PHLPP1: variants seen among roughly 807,000 people sequenced by gnomAD.
PHLPP1 encodes the protein PH domain and leucine rich repeat protein phosphatase 1.
Under a neutral mutation model 117.2 loss-of-function variants are expected in PHLPP1, and 42 were observed. The observed-to-expected ratio is 0.36, with a 90% CI of 0.28 to 0.46. The LOEUF is 0.46. PHLPP1 is among the 20% of genes least tolerant of loss of function. The pLI, the probability that PHLPP1 is intolerant of heterozygous loss-of-function variation, is 1.00. For synonymous variants in PHLPP1, 1,042 were observed against 970.7 expected (o/e 1.07, Z -1.37); for missense variants, 2,084 against 2,241.9 (o/e 0.93, Z 1.42).
intron 1 of PHLPP1, among the ~76,000 whole-genome samples, chr18:62,817,015 C>T (rs371164341): frequency 2.6e-5 from 4 of 152,292 alleles, no homozygotes; most frequent in African/African-American, 9.6e-5. Context: ...GACTTTGACT[C>T]ACTTCAGCCT....
intron 4 of PHLPP1, among the ~76,000 whole-genome samples, chr18:62,882,452 T>C (rs1916193328): frequency 6.6e-6 from 1 of 152,008 alleles, no homozygotes; most frequent in South Asian, 2.1e-4. Flanking sequence ...TTTGTATTTT[T>C]AGTAGAGACG....
intron 4 of PHLPP1, among the ~76,000 whole-genome samples, chr18:62,886,869 T>C (rs539782524): frequency 8.5e-5 from 13 of 152,340 alleles, no homozygotes; most frequent in Admixed American, 3.9e-4. Context: ...TTCCTTTCTG[T>C]AGTGTGAACT....
chr18:62,933,304 C>T (rs749292379), intron 10 of PHLPP1, among the ~76,000 whole-genome samples: 13 of 152,070 alleles, frequency 8.5e-5, no homozygotes, highest in Non-Finnish European at 1.5e-4. Flanking sequence ...ATAGCCAAAA[C>T]AATCCTAAGC....
At chr18:62,819,926 G>A (rs1323509365) in intron 1 of PHLPP1, among the ~76,000 whole-genome samples, 1 of 152,196 alleles carries the variant, frequency 6.6e-6, no homozygotes. Context: ...GGGATTACAG[G>A]TGTGAACCTC....
chr18:62,859,681 T>A (rs111960615), intron 3 of PHLPP1, among the ~76,000 whole-genome samples: 4 of 152,314 alleles, frequency 2.6e-5, no homozygotes, highest in African/African-American at 4.8e-5. Context: ...TCAGTTTAGA[T>A]CTTAGTATCT....
intron 1 of PHLPP1, among the ~76,000 whole-genome samples, chr18:62,778,601 T>C (rs1913030904): frequency 6.6e-6 from 1 of 152,230 alleles, no homozygotes; most frequent in African/African-American, 2.4e-5. Context: ...ACATAGCTAT[T>C]TAAGTGTAAG....
intron 1 of PHLPP1, among the ~76,000 whole-genome samples, chr18:62,738,683 C>CA: frequency 6.6e-6 from 1 of 152,042 alleles, no homozygotes; most frequent in Admixed American, 6.6e-5. Flanking sequence ...AAATTAGGTA[C>CA]AGTAAGAGAT....
At chr18:62,846,982 G>A (rs889351897) in intron 3 of PHLPP1, among the ~76,000 whole-genome samples, 3 of 152,002 alleles carry the variant, frequency 2.0e-5, no homozygotes, top group Non-Finnish European at 4.4e-5. Flanking sequence ...TGAAGAAGAG[G>A]TTTTCACTTC....
rs1568127680 is a variant in PHLPP1, at chr18:62,821,548, C to CAAAAAAAAAAAAA, written c.1577-8487_1577-8486insAAAAAAAAAAAAA. 1.4e-3 allele frequency among the ~76,000 whole-genome samples: 41 copies of CAAAAAAAAAAAAA among 29,200 alleles called. 2 individuals are homozygous for CAAAAAAAAAAAAA. Among genetic ancestry groups the CAAAAAAAAAAAAA allele is most frequent in the East Asian group, 3.2e-3 (3 of 950 alleles). 19.2% of individuals were successfully genotyped at this position (29,200 alleles called of 152,430 possible). A position where few individuals can be genotyped will look rare whatever the true frequency, so the allele number is the denominator to read the frequency against. ...TGGGTGACAGAGTGAGACCCTTTAT[C>CAAAAAAAAAAAAA]CAAAAAAAAAAAAAAAAAAAAAAGA... On this transcript the variant is annotated intron_variant, in intron 1 of 16. Transcript: ENST00000262719.
chr18:62,772,830 C>CAAAAAAAAAAAA (rs59776161), intron 1 of PHLPP1, among the ~76,000 whole-genome samples: 1,862 of 60,652 alleles, frequency 0.031, 159 homozygotes, highest in African/African-American at 0.089. Context: ...GACTCTTTCT[C>CAAAAAAAAAAAA]AAAAAAAAAA....
intron 14 of PHLPP1, among the ~76,000 whole-genome samples, chr18:62,969,083 G>A (rs1224197043): frequency 6.6e-6 from 1 of 151,204 alleles, no homozygotes; most frequent in Non-Finnish European, 1.5e-5. Context: ...TTGTTTGTTT[G>A]TTTTTAAGAG....
At position 62,716,617 on chromosome 18, in the gene PHLPP1, T is replaced by G; in HGVS notation, c.934T>G (p.Trp312Gly). The G allele has an allele frequency of 7.7e-7, 1 of 1,303,392 alleles. No individual in the cohort carries two copies. Among genetic ancestry groups the G allele is most frequent in the Non-Finnish European group, 9.7e-7 (1 of 1,028,700 alleles). 80.7% of individuals were successfully genotyped at this position (1,303,392 alleles called of 1,614,324 possible). A position where few individuals can be genotyped will look rare whatever the true frequency, so the allele number is the denominator to read the frequency against. Residue 312 changes from tryptophan (W) to glycine (G), a missense_variant, in exon 1 of 17, where the codon TGG becomes GGG. This residue lies in a region of PHLPP1 where 719 missense variants were observed against 636.0 expected (regional missense o/e 1.13). Coordinates refer to ENST00000262719, the MANE Select transcript of PHLPP1 (RefSeq NM_194449.4). This position sits in a 1 kb window ranked among gnomAD's most constrained non-coding sequence, Gnocchi z 5.7. ...CCTGCCCGTCGGCGGCCCGGGCGGG[T>G]GGTCGCGCCGCGCCAGCCCAGCGCC... ...LPLPVGGPGG[W>G]SRRASPAPSD... is the part of the protein sequence containing the mutation.
intron 3 of PHLPP1, among the ~76,000 whole-genome samples, chr18:62,842,206 A>C (rs142815839): frequency 6.6e-6 from 1 of 152,214 alleles, no homozygotes; most frequent in African/African-American, 2.4e-5. Flanking sequence ...TATTTTCAGC[A>C]TATAAAGACA....
At chr18:62,912,651 G>A (rs989663546) in intron 8 of PHLPP1, among the ~76,000 whole-genome samples, 74 of 152,078 alleles carry the variant, frequency 4.9e-4, no homozygotes, top group Middle Eastern at 3.4e-3. Flanking sequence ...ATGGAGTCTC[G>A]CTCTGTTGCC....
At chr18:62,893,296 C>A (rs147831065) in intron 4 of PHLPP1, among the ~76,000 whole-genome samples, 3 of 152,166 alleles carry the variant, frequency 2.0e-5, no homozygotes, top group African/African-American at 7.2e-5. Context: ...CTGCCCACCT[C>A]GGCCTCCCAA....
At chr18:62,876,442 CTGAAT>C (rs1916051748) in intron 4 of PHLPP1, among the ~76,000 whole-genome samples, 1 of 152,142 alleles carries the variant, frequency 6.6e-6, no homozygotes, top group South Asian at 2.1e-4. Context: ...TTTTGCTCTT[CTGAAT>C]TGTTCACTTT....
intron 1 of PHLPP1, among the ~76,000 whole-genome samples, chr18:62,782,215 A>G (rs1249570633): frequency 6.6e-6 from 1 of 152,230 alleles, no homozygotes; most frequent in African/African-American, 2.4e-5. Context: ...ATGTCTGCCA[A>G]GAGGCATGAG....
intron 1 of PHLPP1, among the ~76,000 whole-genome samples, chr18:62,804,380 GT>G (rs1913878062): frequency 6.6e-6 from 1 of 151,932 alleles, no homozygotes; most frequent in Non-Finnish European, 1.5e-5. Context: ...AAGGTGTCTA[GT>G]TTTTTTATTC....
At chr18:62,761,358 C>T (rs1011316184) in intron 1 of PHLPP1, among the ~76,000 whole-genome samples, 2 of 152,076 alleles carry the variant, frequency 1.3e-5, no homozygotes, top group Non-Finnish European at 2.9e-5. Flanking sequence ...TAGGGCCGGG[C>T]GCAGTGGCTC....
Sources: allele counts gnomAD v4.1 joint callset (sites outside exome capture counted in the v4.1 genomes callset), GRCh38; gene constraint gnomAD v4.1.1; regional missense constraint gnomAD v4.1.1; non-coding constraint Gnocchi (gnomAD v3.1); transcripts MANE v1.5; gene names NCBI Gene and HGNC (gene_info 2026-07-23, HGNC 2026-07-21).